Variants in ARHGEF9 observed in about 807,000 individuals in gnomAD.
ARHGEF9 encodes the protein rho guanine nucleotide exchange factor 9.
Under a neutral mutation model 41.3 loss-of-function variants are expected in ARHGEF9, and 2 were observed. The observed-to-expected ratio is 0.05, with a 90% confidence interval of 0.02 to 0.15. The LOEUF (loss-of-function observed/expected upper bound fraction) is 0.15. Among genes scored for constraint, ARHGEF9 ranks in the 10% least tolerant of loss-of-function variants. The pLI is 1.00. For missense variants in ARHGEF9, 225 were observed against 424.7 expected, an observed-to-expected ratio of 0.53 and a Z score of 4.13; for synonymous variants, 160 against 154.4, an observed-to-expected ratio of 1.04 and a Z score of -0.27.
intron 1 of ARHGEF9, among the ~76,000 whole-genome samples, chrX:63,733,473 G>T (rs2054436382): frequency 8.9e-6 from 1 of 112,194 alleles, no homozygotes; most frequent in South Asian, 3.7e-4. Flanking sequence ...TTTTCCTCAG[G>T]TTTTAACATT....
At chrX:63,686,301 G>A (rs67064363) in intron 4 of ARHGEF9, among the ~76,000 whole-genome samples, 13,386 of 110,769 alleles carry the variant, frequency 0.12, 2,021 homozygotes, top group African/African-American at 0.42. Flanking sequence ...CATTTATTTG[G>A]GGGTGCTAAA....
intron 2 of ARHGEF9, among the ~76,000 whole-genome samples, chrX:63,715,001 G>A (rs1459262405): frequency 1.8e-5 from 2 of 111,797 alleles, no homozygotes; most frequent in Non-Finnish European, 3.8e-5. Flanking sequence ...CCCATGACAA[G>A]GCTTCTTAAA....
intron 1 of ARHGEF9, among the ~76,000 whole-genome samples, chrX:63,778,150 C>G (rs1415822059): frequency 8.9e-6 from 1 of 112,582 alleles, no homozygotes; most frequent in Non-Finnish European, 1.9e-5. Context: ...TCCATACATC[C>G]TCTGAAATCT....
At chrX:63,657,885 A>T (rs1462893009) in intron 7 of ARHGEF9, 4 of 112,122 alleles carry the variant, frequency 3.6e-5, no homozygotes. Context: ...CTTACCATAC[A>T]TAATATAATA....
chrX:63,677,976 C>T (rs782745356), intron 5 of ARHGEF9, among the ~76,000 whole-genome samples: 1 of 111,819 alleles, frequency 8.9e-6, no homozygotes, highest in Non-Finnish European at 1.9e-5. Context: ...CTTTCAGACC[C>T]AGATGCATGA....
At chrX:63,677,983 A>C (rs1356759372) in intron 5 of ARHGEF9, among the ~76,000 whole-genome samples, 1 of 111,907 alleles carries the variant, frequency 8.9e-6, no homozygotes, top group Non-Finnish European at 1.9e-5. Flanking sequence ...ACCCAGATGC[A>C]TGAGCCATGG....
intron 2 of ARHGEF9, among the ~76,000 whole-genome samples, chrX:63,711,438 G>A (rs1279239285): frequency 1.6e-4 from 18 of 111,428 alleles, no homozygotes; most frequent in African/African-American, 5.9e-4. Flanking sequence ...AGAGAATGGG[G>A]GACTGGCACA....
chrX:63,743,338 C>T (rs184342063), intron 1 of ARHGEF9: 1 of 112,898 alleles, frequency 8.9e-6, no homozygotes, highest in African/African-American at 3.2e-5. Context: ...TTCTTCCTAG[C>T]TCACCACTGA....
intron 1 of ARHGEF9, among the ~76,000 whole-genome samples, chrX:63,775,385 G>A (rs190676626): frequency 1.2e-4 from 14 of 112,294 alleles, no homozygotes; most frequent in African/African-American, 2.9e-4. Context: ...ATGTATGTTC[G>A]TCACAGCACT....
intron 8 of ARHGEF9, among the ~76,000 whole-genome samples, chrX:63,648,396 A>C (rs1342784352): frequency 9.0e-6 from 1 of 111,384 alleles, no homozygotes; most frequent in Non-Finnish European, 1.9e-5. Context: ...AGACAAGCAA[A>C]TGCTGAGAGA....
chrX:63,698,019 T>C (rs1300644564), intron 3 of ARHGEF9, among the ~76,000 whole-genome samples: 3 of 108,524 alleles, frequency 2.8e-5, no homozygotes, highest in African/African-American at 1.0e-4. Flanking sequence ...TGGCCAGGAG[T>C]GATCATTTAG....
intron 9 of ARHGEF9, chrX:63,638,753 T>G (rs2047446672): frequency 3.4e-6 from 1 of 296,058 alleles, no homozygotes; most frequent in Admixed American, 5.9e-5. Flanking sequence ...TGCAAGTGAT[T>G]TAGTGTTCTG....
chrX:63,693,611 CA>C lies in ARHGEF9; in HGVS notation c.582+3513del, dbSNP rs782546360. 8.4e-3 allele frequency among the ~76,000 whole-genome samples: 283 copies of C among 33,591 alleles called. 1 individual carries two copies. The highest frequency in any genetic ancestry group is 0.032 in the Admixed American group (83 of 2,558). The allele number at this position is 33,591 out of a possible 115,157, so 29.2% of individuals were successfully genotyped here. ...TGCGTCACAGAGTGAGATTCCATCTCAAAAAAAAAAAAAAAAAACCACATGT... is the reference window on the plus strand; with the variant it reads ...TGCGTCACAGAGTGAGATTCCATCTCAAAAAAAAAAAAAAAAACCACATGT... On this transcript the variant is annotated intron_variant, in intron 4 of 9. Transcript: ENST00000671741.
At chrX:63,761,217 G>A (rs1319261226) in intron 1 of ARHGEF9, among the ~76,000 whole-genome samples, 2 of 111,775 alleles carry the variant, frequency 1.8e-5, no homozygotes, top group South Asian at 3.7e-4. Context: ...TAAGTCAGCC[G>A]TTTGAGCTTT....
chrX:63,657,015 CCCT>C (rs1274305801), intron 7 of ARHGEF9: 1 of 111,543 alleles, frequency 9.0e-6, no homozygotes, highest in Non-Finnish European at 1.9e-5. Flanking sequence ...GCCTTTCAGC[CCCT>C]CCTCCTCTTG....
At chrX:63,721,819 C>T (rs1304813712) in intron 2 of ARHGEF9, among the ~76,000 whole-genome samples, 1 of 110,554 alleles carries the variant, frequency 9.0e-6, no homozygotes, top group Non-Finnish European at 1.9e-5. Context: ...GAAGGTATAT[C>T]AGCTCCTACA....
At chrX:63,759,685 T>TA (rs2055999439) in intron 1 of ARHGEF9, among the ~76,000 whole-genome samples, 1 of 112,241 alleles carries the variant, frequency 8.9e-6, no homozygotes, top group Admixed American at 9.4e-5. Flanking sequence ...AGTTAACACT[T>TA]ACAAACTGCT....
intron 2 of ARHGEF9, among the ~76,000 whole-genome samples, chrX:63,724,129 G>A (rs781991917): frequency 4.9e-4 from 54 of 110,539 alleles, no homozygotes; most frequent in Non-Finnish European, 5.5e-4. Flanking sequence ...AAGAAACTAC[G>A]AGAAGAAAGA....
At chrX:63,660,898 G>A (rs1434876949) in intron 7 of ARHGEF9, among the ~76,000 whole-genome samples, 5 of 111,475 alleles carry the variant, frequency 4.5e-5, no homozygotes, top group Admixed American at 9.6e-5. Context: ...GCTCATGGGC[G>A]AAAGGAGATT....
Sources: allele counts gnomAD v4.1 joint callset (sites outside exome capture counted in the v4.1 genomes callset), GRCh38; gene constraint gnomAD v4.1.1; transcripts MANE v1.5; gene names NCBI Gene and HGNC (gene_info 2026-07-23, HGNC 2026-07-21).